Variants in PHF2 observed in about 807,000 individuals in gnomAD.
The protein encoded by PHF2 is PHD finger protein 2, also known as lysine-specific demethylase PHF2.
Under a neutral mutation model 120.5 loss-of-function variants are expected in PHF2, and 27 were observed. The observed-to-expected ratio is 0.22, with a 90% CI of 0.17 to 0.31. The LOEUF is 0.31. PHF2 is among the 10% of genes least tolerant of loss of function. PHF2 has a pLI of 1.00. For missense variants in PHF2, 1,024 were observed against 1,434.8 expected (o/e 0.71, Z 4.63); for synonymous variants, 568 against 592.5 (o/e 0.96, Z 0.60).
chr9:93,614,246 C>G (rs1213137045), intron 1 of PHF2, among the ~76,000 whole-genome samples: 1 of 152,336 alleles, frequency 6.6e-6, no homozygotes, highest in South Asian at 2.1e-4. Context: ...GGGTGGACCT[C>G]ACTTCCTCAC....
rs544035075 is a variant in PHF2, at chr9:93,633,970, C to T, written c.185-2441C>T. On this transcript the variant is annotated intron_variant, in intron 2 of 21. Transcript: ENST00000359246. ...GCTGCATAACCACGGGGCTGCCTCA[C>T]GCTCCTGCCTGAGCCGCCGCTGTCC... is the stretch of plus-strand genomic sequence containing the variant. Among the ~76,000 whole-genome samples, 10 of 152,264 alleles carry T rather than the reference C, an allele frequency of 6.6e-5. 1 individual carries two copies. Among genetic ancestry groups the T allele is most frequent in the Admixed American group, 2.0e-4 (3 of 15,300 alleles).
rs193086268 is a variant in PHF2, at chr9:93,677,180, G to A, written c.3202+217G>A. Among the ~76,000 whole-genome samples, 25 of 149,922 alleles carry A rather than the reference G, an allele frequency of 1.7e-4. 1 individual carries two copies. Among genetic ancestry groups the A allele is most frequent in the Admixed American group, 1.3e-3 (20 of 14,978 alleles). ...GCTTTCATCCTTCTGCTCAGTGGGC[G>A]TGCTCAGCCCCTGATCTGCCTGCAC... On this transcript the variant is annotated intron_variant, in intron 21 of 21. Coordinates refer to ENST00000359246, the MANE Select transcript of PHF2 (RefSeq NM_005392.4). This position sits in a 1 kb window ranked among gnomAD's most constrained non-coding sequence, Gnocchi z 4.4.
At chr9:93,592,973 C>G (rs1564373861) in intron 1 of PHF2, among the ~76,000 whole-genome samples, 1 of 151,002 alleles carries the variant, frequency 6.6e-6, no homozygotes, top group Admixed American at 6.6e-5. Context: ...GCTGTACCCT[C>G]AAGAAGTCTA....
rs1243215047 is a variant in PHF2 at position 93,671,460 on chromosome 9, G to A, written c.2349-2125G>A. ...CAGGTGGGTGTGGATGTAGGTACAG[G>A]TGTAGATGCAGATGTGGGTGTGGGA... On this transcript the variant is annotated intron_variant, in intron 17 of 21. Transcript: ENST00000359246. 3.5e-5 allele frequency among the ~76,000 whole-genome samples: 4 copies of A among 113,142 alleles called. 1 individual carries two copies. Among genetic ancestry groups the A allele is most frequent in the African/African-American group, 1.5e-4 (4 of 27,290 alleles). 74.2% of individuals were successfully genotyped at this position (113,142 alleles called of 152,430 possible). A position where few individuals can be genotyped will look rare whatever the true frequency, so the allele number is the denominator to read the frequency against.
intron 1 of PHF2, among the ~76,000 whole-genome samples, chr9:93,591,003 C>T (rs951141228): frequency 1.3e-5 from 2 of 152,230 alleles, no homozygotes; most frequent in Non-Finnish European, 2.9e-5. Context: ...CCAACAGCTC[C>T]GGGGCCATAC....
intron 19 of PHF2, 146 bp downstream of exon 19, chr9:93,675,168 T>C (rs1370023264): frequency 1.5e-6 from 1 of 660,234 alleles, no homozygotes; most frequent in Admixed American, 2.5e-5. Context: ...CCCGCTGGGG[T>C]TGGTCAGCTG....
Position 93,665,712 on chromosome 9 carries a change from G to A in PHF2, c.1964G>A (p.Ser655Asn), listed in dbSNP as rs1467161290. The change falls in exon 15 of 22, where the codon AGC becomes AAC. Residue 655 changes from serine (S) to asparagine (N), a missense_variant. Physicochemically the swap from Ser to Asn is conservative, Grantham distance 46 (BLOSUM62 1). This residue lies in a region of PHF2 where 677 missense variants were observed against 857.4 expected (regional missense o/e 0.79). Coordinates refer to ENST00000359246, the MANE Select transcript of PHF2 (RefSeq NM_005392.4). ...LGSKALRPPTSPGVFGALQNF... is the reference protein window; with the variant it reads ...LGSKALRPPTNPGVFGALQNF... ...TCCAAGGCTCTCAGGCCCCCGACGA[G>A]CCCTGGTGTGTTCGGGGCCTTGCAG... 5 of 1,613,964 alleles carry A rather than the reference G, an allele frequency of 3.1e-6. No individual in the cohort carries two copies. Among genetic ancestry groups the A allele is most frequent in the South Asian group, 2.2e-5 (2 of 91,088 alleles).
At chr9:93,638,237 T>C (rs1826123258) in intron 3 of PHF2, among the ~76,000 whole-genome samples, 1 of 152,212 alleles carries the variant, frequency 6.6e-6, no homozygotes, top group Non-Finnish European at 1.5e-5. Context: ...CTGTGGGTTG[T>C]CTTTTTACTT....
chr9:93,621,286 G>T (rs117944901), intron 1 of PHF2, among the ~76,000 whole-genome samples: 1,807 of 152,370 alleles, frequency 0.012, 17 homozygotes, highest in Non-Finnish European at 0.02. Flanking sequence ...TGGTGAGGGG[G>T]TGCTGAGGCC....
chr9:93,627,533 C>T (rs1219201843), intron 1 of PHF2, among the ~76,000 whole-genome samples: 3 of 106,654 alleles, frequency 2.8e-5, no homozygotes, highest in Admixed American at 2.0e-4. Context: ...GCTAGAACTT[C>T]CAGTACTGTG....
intron 17 of PHF2, among the ~76,000 whole-genome samples, chr9:93,669,979 G>C (rs1826753285): frequency 6.6e-6 from 1 of 152,224 alleles, no homozygotes; most frequent in Admixed American, 6.5e-5. Context: ...CATGTGTGCT[G>C]TCTCTGGCAA....
intron 4 of PHF2, among the ~76,000 whole-genome samples, chr9:93,647,629 C>A (rs1053909537): frequency 6.6e-6 from 1 of 152,176 alleles, no homozygotes; most frequent in Non-Finnish European, 1.5e-5. Context: ...GTAGCTCACG[C>A]CTGTAATCCC....
chr9:93,631,806 G>GGGA (rs397783283), intron 2 of PHF2, among the ~76,000 whole-genome samples: 1 of 151,766 alleles, frequency 6.6e-6, no homozygotes, highest in Non-Finnish European at 1.5e-5. Flanking sequence ...CCTGAGTTGG[G>GGGA]CTTGGGAGGA....
intron 6 of PHF2, 104 bp from the exon 7 acceptor site, chr9:93,654,309 G>A (rs979213653): frequency 1.1e-5 from 11 of 1,020,424 alleles, no homozygotes; most frequent in Non-Finnish European, 1.6e-5. Context: ...GCAGGCGGGA[G>A]TCGTGGACCT....
chr9:93,644,167 A>G (rs1018745117), intron 3 of PHF2, among the ~76,000 whole-genome samples: 42 of 152,188 alleles, frequency 2.8e-4, no homozygotes, highest in African/African-American at 9.9e-4. Context: ...TGGGTGGATC[A>G]CCTGAGGTCA....
intron 1 of PHF2, among the ~76,000 whole-genome samples, chr9:93,588,644 C>G (rs1191804747): frequency 6.6e-6 from 1 of 152,212 alleles, no homozygotes; most frequent in African/African-American, 2.4e-5. Context: ...GTAATCCCAG[C>G]ACTTTGGGAG....
intron 1 of PHF2, among the ~76,000 whole-genome samples, chr9:93,598,884 C>A (rs1825380896): frequency 1.3e-5 from 2 of 152,162 alleles, no homozygotes; most frequent in Admixed American, 1.3e-4. Context: ...CCCCGTAAGC[C>A]CCTCCCTTCC....
At chr9:93,675,653 G>T in intron 19 of PHF2, 27 bp from the exon 20 acceptor site, 1 of 1,581,562 alleles carries the variant, frequency 6.3e-7, no homozygotes, top group South Asian at 1.1e-5. Context: ...CCTACAGCTT[G>T]AGGGGGCTGG....
At chr9:93,632,069 C>T (rs1826011157) in intron 2 of PHF2, among the ~76,000 whole-genome samples, 1 of 152,102 alleles carries the variant, frequency 6.6e-6, no homozygotes, top group Admixed American at 6.5e-5. Flanking sequence ...TCTCTAATGT[C>T]CCCAGACATC....
Sources: allele counts gnomAD v4.1 joint callset (sites outside exome capture counted in the v4.1 genomes callset), GRCh38; gene constraint gnomAD v4.1.1; regional missense constraint gnomAD v4.1.1; non-coding constraint Gnocchi (gnomAD v3.1); transcripts MANE v1.5; gene names NCBI Gene and HGNC (gene_info 2026-07-23, HGNC 2026-07-21).